The following BPIFC variants were observed in gnomAD, a reference collection of about 807,000 sequenced individuals.
BPIFC encodes the protein BPI fold containing family C, also known as BPI fold-containing family C protein.
Under a neutral mutation model 57.6 loss-of-function variants are expected in BPIFC, and 60 were observed. The observed-to-expected ratio is 1.04, with a 90% CI of 0.85 to 1.29. The LOEUF (loss-of-function observed/expected upper bound fraction) is 1.29, where lower values mean the gene tolerates loss of function less well. BPIFC is among the 50% of genes most tolerant of loss of function. The pLI is 0.00. For synonymous variants in BPIFC, 243 were observed against 224.5 expected (o/e 1.08, Z -0.74); for missense variants, 581 against 600.5 (o/e 0.97, Z 0.34).
At chr22:32,417,178 G>A in intron 14 of BPIFC, 30 bp from the exon 15 acceptor site, 1 of 1,390,856 alleles carries the variant, frequency 7.2e-7, no homozygotes, top group Non-Finnish European at 1.0e-6. Flanking sequence ...AGAATCAATT[G>A]GCAGATCGGG....
rs1458805197 is a variant in BPIFC, at chr22:32,424,627, C to CTTCTTCTTCTT, written c.1218-5224_1218-5223insAAGAAGAAGAA. On this transcript the variant is annotated intron_variant, in intron 13 of 16. Coordinates refer to ENST00000300399, the MANE Select transcript of BPIFC (RefSeq NM_174932.3). ...TCCTCCTCCTCCTCCTCCTCCTCCT[C>CTTCTTCTTCTT]CTCTTCTTCTTCTTCTCTTCTTCTT... 4.3e-3 allele frequency among the ~76,000 whole-genome samples: 211 copies of CTTCTTCTTCTT among 49,382 alleles called. 1 individual carries two copies. The highest frequency in any genetic ancestry group is 0.013 in the East Asian group (33 of 2,578). The allele number at this position is 49,382 out of a possible 152,430, so 32.4% of individuals were successfully genotyped here. A position where few individuals can be genotyped will look rare whatever the true frequency, so the allele number is the denominator to read the frequency against.
intron 12 of BPIFC, among the ~76,000 whole-genome samples, chr22:32,432,013 A>AAC (rs1934257474): frequency 6.6e-6 from 1 of 151,714 alleles, no homozygotes; most frequent in Non-Finnish European, 1.5e-5. Flanking sequence ...AGCTCACTGT[A>AAC]GCCTCAAACT....
At chr22:32,424,669 T>TTCC (rs1339193506) in intron 13 of BPIFC, among the ~76,000 whole-genome samples, 1 of 63,386 alleles carries the variant, frequency 1.6e-5, no homozygotes, top group Non-Finnish European at 2.8e-5. Context: ...CTTCTTCTTC[T>TTCC]TCTTCTTCTT....
In BPIFC at chr22:32,445,840, C is replaced by A; in HGVS notation, c.530+1G>T. ...CTGCCCAACCCAGGGCTCTCATTCA[C>A]CTGAGTTCTCCGGAAAATGAGACGT... On this transcript the variant is annotated splice_donor_variant, in intron 6 of 16. Coordinates refer to ENST00000300399, the MANE Select transcript of BPIFC (RefSeq NM_174932.3). LOFTEE classifies it high-confidence loss of function. 1 of 1,613,826 alleles carries A rather than the reference C, an allele frequency of 6.2e-7. No homozygotes were observed. The highest frequency in any genetic ancestry group is 8.5e-7 in the Non-Finnish European group (1 of 1,179,940).
At chr22:32,416,526 G>A (rs1933683707) in intron 15 of BPIFC, among the ~76,000 whole-genome samples, 1 of 152,154 alleles carries the variant, frequency 6.6e-6, no homozygotes. Flanking sequence ...TGTTCATTTG[G>A]ACAGTAGAGA....
chr22:32,431,982 G>A (rs1215206281), intron 12 of BPIFC, among the ~76,000 whole-genome samples: 2 of 148,812 alleles, frequency 1.3e-5, no homozygotes, highest in African/African-American at 2.5e-5. Flanking sequence ...TGCCCAGACT[G>A]GAGTGCAGTG....
intron 13 of BPIFC, among the ~76,000 whole-genome samples, chr22:32,421,077 A>C (rs939808327): frequency 6.6e-6 from 1 of 152,160 alleles, no homozygotes; most frequent in African/African-American, 2.4e-5. Context: ...AGTAGAAGGG[A>C]GTCCTCCTCC....
intron 13 of BPIFC, among the ~76,000 whole-genome samples, chr22:32,430,405 G>A (rs1218677980): frequency 6.6e-6 from 1 of 151,384 alleles, no homozygotes; most frequent in Admixed American, 6.6e-5. Context: ...AAGAACTGAA[G>A]TTTATATTGC....
rs1350845010 is a variant in BPIFC at position 32,446,015 on chromosome 22, G to A, written c.375-19C>T. The A allele has an allele frequency of 6.2e-7, 1 of 1,612,484 alleles. No individual in the cohort carries two copies. The highest frequency in any genetic ancestry group is 2.2e-5 in the East Asian group (1 of 44,858). On this transcript the variant is annotated intron_variant, in intron 5 of 16. Coordinates refer to ENST00000300399, the MANE Select transcript of BPIFC (RefSeq NM_174932.3). ...GTCTTGGCTGTTTAAAGAAGTGCAA[G>A]GTTATCCAAGCCTGAGTCAGGCACA...
chr22:32,427,354 C>T (rs1403474787), intron 13 of BPIFC, among the ~76,000 whole-genome samples: 1 of 152,166 alleles, frequency 6.6e-6, no homozygotes, highest in Non-Finnish European at 1.5e-5. Context: ...ACCTTCTTGC[C>T]ACAACCCTGA....
At position 32,414,360 on chromosome 22, in the gene BPIFC, G is replaced by T. The variant is rs369700757; in HGVS notation, c.1467C>A (p.His489Gln). The T allele has an allele frequency of 6.2e-7, 1 of 1,614,006 alleles. No homozygotes were observed. The highest frequency in any genetic ancestry group is 1.1e-5 in the South Asian group (1 of 91,074). The change falls in exon 17 of 17, where the codon CAC becomes CAA. Residue 489 changes from histidine to glutamine, a missense_variant. Transcript: ENST00000300399. ...ETSSKQQPSF[H>Q]VWEGLNLISR... ...TTATCAGGTTCAGACCTTCCCATAC[G>T]TGGAAACTTGGCTGCTGCTTTGAGG...
chr22:32,416,031 C>A (rs1018646171), intron 15 of BPIFC, 40 bp from the exon 16 acceptor site: 40 of 1,377,446 alleles, frequency 2.9e-5, no homozygotes, highest in Non-Finnish European at 3.8e-5. Flanking sequence ...TGGGCACAAG[C>A]ACAGAGGTTT....
chr22:32,462,179 A>AG (rs1935177581), intron 1 of BPIFC, among the ~76,000 whole-genome samples: 1 of 147,278 alleles, frequency 6.8e-6, no homozygotes, highest in African/African-American at 2.6e-5. Context: ...AAAAAAAAAA[A>AG]AAAAAAAAAA....
At chr22:32,414,980 G>A (rs1368417203) in intron 16 of BPIFC, among the ~76,000 whole-genome samples, 1 of 152,204 alleles carries the variant, frequency 6.6e-6, no homozygotes, top group African/African-American at 2.4e-5. Flanking sequence ...CGGTAGTGTA[G>A]GGCAGCGGTC....
At chr22:32,444,870 C>T (rs541612039) in intron 7 of BPIFC, among the ~76,000 whole-genome samples, 4 of 152,096 alleles carry the variant, frequency 2.6e-5, no homozygotes, top group East Asian at 3.9e-4. Context: ...ATCTAATGAT[C>T]GTGTAACTGT....
chr22:32,433,756 A>C lies in BPIFC; in HGVS notation c.941T>G (p.Val314Gly). 1 of 1,614,022 alleles carries C rather than the reference A, an allele frequency of 6.2e-7. No homozygotes were observed. Among genetic ancestry groups the C allele is most frequent in the African/African-American group, 1.3e-5 (1 of 75,058 alleles). The change falls in exon 11 of 17, where the codon GTT becomes GGT. Residue 314 changes from valine (V) to glycine (G), a missense_variant. Coordinates refer to ENST00000300399, the MANE Select transcript of BPIFC (RefSeq NM_174932.3). ...LSTEEISNHF[V>G]QNSQGLGNVL... ...GTTGCCAAGGCCTTGAGAGTTTTGAACAAAATGGTTGGAAATCTGGAAAAT... is the reference window on the plus strand; with the variant it reads ...GTTGCCAAGGCCTTGAGAGTTTTGACCAAAATGGTTGGAAATCTGGAAAAT...
At position 32,457,328 on chromosome 22, in the gene BPIFC, AC is replaced by A. The variant is rs1363163048; in HGVS notation, c.58del (p.Val20SerfsTer28). ...AGGGTAAATGGTCTGAGAGGATGAG[AC>A]ATAGAGATTCCACAGGAGGAAACAT... ...WGCFLLWNLY[V>X]SSSQTIYPGI... is the part of the protein sequence containing the mutation. On this transcript the variant is annotated frameshift_variant, in exon 3 of 17. Transcript: ENST00000300399. LOFTEE classifies it high-confidence loss of function. 1.9e-6 allele frequency: 3 copies of A among 1,611,062 alleles called. No individual in the cohort carries two copies. The Admixed American group carries it at 5.1e-5, about 27-fold the overall frequency.
At chr22:32,418,641 C>T (rs978840921) in intron 14 of BPIFC, among the ~76,000 whole-genome samples, 53 of 152,216 alleles carry the variant, frequency 3.5e-4, no homozygotes, top group African/African-American at 1.3e-3. Context: ...AGAACAGTTC[C>T]GGGCTCAATA....
At chr22:32,424,240 G>A (rs1933932037) in intron 13 of BPIFC, among the ~76,000 whole-genome samples, 1 of 152,194 alleles carries the variant, frequency 6.6e-6, no homozygotes, top group Non-Finnish European at 1.5e-5. Context: ...GCAAGTGGCA[G>A]AGGTAGAATT....
Sources: gnomAD v4.1 joint callset for allele counts (sites outside exome capture counted in the v4.1 genomes callset) on GRCh38, gnomAD v4.1.1 for gene constraint, MANE v1.5 for transcripts, NCBI Gene and HGNC (gene_info 2026-07-23, HGNC 2026-07-21) for gene names.